Variants in SCAI observed in about 807,000 individuals in gnomAD.
SCAI encodes the protein suppressor of cancer cell invasion.
Under a neutral mutation model 92.2 loss-of-function variants are expected in SCAI, and 24 were observed. That is an observed-to-expected ratio of 0.26 (90% CI 0.19 to 0.37). SCAI has a LOEUF of 0.37. SCAI is among the 10% of genes least tolerant of loss of function. The pLI, the probability that SCAI is intolerant of heterozygous loss-of-function variation, is 1.00. For synonymous variants in SCAI, 261 were observed against 258.6 expected, an observed-to-expected ratio of 1.01 and a Z score of -0.09; for missense variants, 450 against 736.2, an observed-to-expected ratio of 0.61 and a Z score of 4.50.
intron 3 of SCAI, among the ~76,000 whole-genome samples, chr9:125,051,587 C>T (rs958046640): frequency 5.3e-5 from 8 of 152,066 alleles, no homozygotes; most frequent in Middle Eastern, 3.2e-3. Flanking sequence ...ATCCCAAATC[C>T]ATAATGTGAT....
chr9:125,044,508 T>C (rs2131115880), intron 3 of SCAI, among the ~76,000 whole-genome samples: 1 of 152,170 alleles, frequency 6.6e-6, no homozygotes, highest in South Asian at 2.1e-4. Flanking sequence ...GACAACCTGC[T>C]TGCAGAAAGG....
intron 2 of SCAI, among the ~76,000 whole-genome samples, chr9:125,080,923 C>T (rs1266431501): frequency 6.6e-6 from 1 of 152,158 alleles, no homozygotes; most frequent in Admixed American, 6.5e-5. Flanking sequence ...ATGCTGTTCT[C>T]CTGATAGTGA....
At chr9:125,098,964 T>C (rs1179885161) in intron 2 of SCAI, among the ~76,000 whole-genome samples, 2 of 151,634 alleles carry the variant, frequency 1.3e-5, no homozygotes, top group African/African-American at 4.9e-5. Flanking sequence ...ATTGGCAAAA[T>C]CACAGATTAA....
chr9:124,998,506 C>T (rs536066560), intron 13 of SCAI, among the ~76,000 whole-genome samples: 9 of 151,434 alleles, frequency 5.9e-5, no homozygotes, highest in African/African-American at 1.5e-4. Flanking sequence ...GAACGGGGAA[C>T]GGAGGTATAG....
At position 124,994,970 on chromosome 9, in the gene SCAI, G is replaced by A. The variant is rs779618497; in HGVS notation, c.1290C>T (p.Phe430=). 3.7e-6 allele frequency: 6 copies of A among 1,612,950 alleles called. No individual in the cohort carries two copies. The highest frequency in any genetic ancestry group is 5.1e-6 in the Non-Finnish European group (6 of 1,179,592). ...DLYPFTRKPL[F]IIVDSSNSVA... ...CACTATTAGACGAATCCACAATGAT[G>A]AACAGTGGCTTCCTGGTGAAAGGAT... The change falls in exon 14 of 18, where the codon TTC becomes TTT. Residue 430 remains phenylalanine (F), a synonymous_variant. Transcript: ENST00000336505.
chr9:124,966,229 C>G (rs1347914782), intron 17 of SCAI, among the ~76,000 whole-genome samples: 1 of 126,304 alleles, frequency 7.9e-6, no homozygotes, highest in Non-Finnish European at 1.6e-5. Context: ...CCTCCCCCCT[C>G]CCCCGACCCC....
At position 124,952,804 on chromosome 9, in the gene SCAI, G is replaced by C. The variant is rs1236644843; in HGVS notation, c.*3C>G. ...AACTTGTTTCGACAACAGGGTTTTT[G>C]TTTTAATAGTCATCAATGGTATTCT... On this transcript the variant is annotated 3_prime_UTR_variant, in exon 18 of 18. Transcript: ENST00000336505. 6.2e-7 allele frequency: 1 copy of C among 1,606,644 alleles called. No individual in the cohort carries two copies. Among genetic ancestry groups the C allele is most frequent in the African/African-American group, 1.3e-5 (1 of 74,608 alleles).
chr9:125,060,825 T>C (rs1367675940), intron 2 of SCAI, among the ~76,000 whole-genome samples: 1 of 152,222 alleles, frequency 6.6e-6, no homozygotes, highest in Admixed American at 6.5e-5. Context: ...TATGTCTTTA[T>C]GAGTAGCATG....
intron 2 of SCAI, among the ~76,000 whole-genome samples, chr9:125,087,457 T>C (rs1330920769): frequency 1.3e-5 from 2 of 152,194 alleles, no homozygotes; most frequent in Non-Finnish European, 2.9e-5. Context: ...CCAGAGGCCA[T>C]TGCTATAGCA....
At chr9:125,141,100 A>G (rs930583323) in intron 2 of SCAI, among the ~76,000 whole-genome samples, 1 of 152,230 alleles carries the variant, frequency 6.6e-6, no homozygotes, top group Non-Finnish European at 1.5e-5. Context: ...TGTTCAAAAC[A>G]TACTTGAACG....
intron 14 of SCAI, among the ~76,000 whole-genome samples, chr9:124,990,519 C>T (rs1438435895): frequency 7.2e-5 from 11 of 151,996 alleles, no homozygotes; most frequent in Non-Finnish European, 1.6e-4. Context: ...AATTATCTAT[C>T]AAAATTATCT....
chr9:125,059,189 G>C (rs1004013618), intron 2 of SCAI, among the ~76,000 whole-genome samples: 3 of 152,182 alleles, frequency 2.0e-5, no homozygotes, highest in African/African-American at 7.2e-5. Context: ...CATGCGATGA[G>C]AAGTACTGTT....
rs181131717 is a variant in SCAI at position 124,962,859 on chromosome 9, C to T, written c.1674+8511G>A. Among the ~76,000 whole-genome samples, 140 of 148,932 alleles carry T rather than the reference C, an allele frequency of 9.4e-4. 1 individual carries two copies. Among genetic ancestry groups the T allele is most frequent in the African/African-American group, 2.8e-3 (111 of 40,350 alleles). ...TGTCACCCAGGCTGGAGTGCAGTCGCGCGATCTTGGCTCACTGCAACCTCC... is the reference window on the plus strand; with the variant it reads ...TGTCACCCAGGCTGGAGTGCAGTCGTGCGATCTTGGCTCACTGCAACCTCC... On this transcript the variant is annotated intron_variant, in intron 17 of 17. Coordinates refer to ENST00000336505, the MANE Select transcript of SCAI (RefSeq NM_001144877.3).
intron 2 of SCAI, among the ~76,000 whole-genome samples, chr9:125,103,935 G>A (rs1481291661): frequency 6.6e-6 from 1 of 152,032 alleles, no homozygotes; most frequent in Admixed American, 6.6e-5. Flanking sequence ...CCAGACAGAT[G>A]GGTATCTTCT....
chr9:125,073,158 G>A (rs1042057950), intron 2 of SCAI, among the ~76,000 whole-genome samples: 1 of 124,064 alleles, frequency 8.1e-6, no homozygotes, highest in Non-Finnish European at 1.6e-5. Context: ...AGGCTGGAGT[G>A]CAGTGGCGCG....
chr9:125,050,417 T>A (rs974896070), intron 3 of SCAI, among the ~76,000 whole-genome samples: 1 of 152,050 alleles, frequency 6.6e-6, no homozygotes, highest in Middle Eastern at 3.2e-3. Context: ...AACTCAAAGA[T>A]CTTCTTTACG....
chr9:125,143,306 C>T (rs913712890), intron 1 of SCAI, 79 bp downstream of exon 1: 3 of 893,624 alleles, frequency 3.4e-6, no homozygotes, highest in Non-Finnish European at 4.5e-6. Context: ...AATGCTCCAC[C>T]GCCCCGAGCC....
intron 3 of SCAI, among the ~76,000 whole-genome samples, chr9:125,032,170 A>AATATATATATAT (rs1195663083): frequency 2.2e-4 from 26 of 118,714 alleles, no homozygotes; most frequent in African/African-American, 8.5e-4. Flanking sequence ...TAGTAAAATG[A>AATATATATATAT]ATATATATAT....
intron 14 of SCAI, among the ~76,000 whole-genome samples, chr9:124,977,343 A>T (rs887424381): frequency 1.3e-5 from 2 of 152,186 alleles, no homozygotes; most frequent in African/African-American, 4.8e-5. Flanking sequence ...TCTGAAAAAG[A>T]GCAGAGGGGG....
Sources: allele counts gnomAD v4.1 joint callset (sites outside exome capture counted in the v4.1 genomes callset), GRCh38; gene constraint gnomAD v4.1.1; transcripts MANE v1.5; gene names NCBI Gene and HGNC (gene_info 2026-07-23, HGNC 2026-07-21).